CCDC178: variants seen among roughly 807,000 people sequenced by gnomAD.
CCDC178 encodes the protein coiled-coil domain-containing protein 178.
Under a neutral mutation model 117.4 loss-of-function variants are expected in CCDC178, and 126 were observed. The observed-to-expected ratio is 1.07, with a 90% CI of 0.93 to 1.24. CCDC178 has a LOEUF of 1.24. CCDC178 is among the 50% of genes most tolerant of loss of function. The pLI, the probability that CCDC178 is intolerant of heterozygous loss-of-function variation, is 0.00. For synonymous variants in CCDC178, 283 were observed against 313.4 expected, an observed-to-expected ratio of 0.90 and a Z score of 1.02; for missense variants, 1,030 against 986.9, an observed-to-expected ratio of 1.04 and a Z score of -0.59.
At chr18:33,401,463 A>G (rs1481339290) in intron 3 of CCDC178, among the ~76,000 whole-genome samples, 1 of 152,136 alleles carries the variant, frequency 6.6e-6, no homozygotes, top group Admixed American at 6.5e-5. Context: ...TTCATGCTCT[A>G]ATTCATGTTT....
intron 20 of CCDC178, among the ~76,000 whole-genome samples, chr18:33,150,969 C>T (rs1422542250): frequency 6.6e-6 from 1 of 152,056 alleles, no homozygotes; most frequent in African/African-American, 2.4e-5. Flanking sequence ...GAGTTGGAGG[C>T]CATTATTCTA....
At chr18:33,151,372 G>C (rs2058339801) in intron 20 of CCDC178, among the ~76,000 whole-genome samples, 1 of 152,112 alleles carries the variant, frequency 6.6e-6, no homozygotes. Flanking sequence ...TTTACCATCA[G>C]AGTTGTAAGT....
chr18:33,402,359 G>T (rs979200775), intron 3 of CCDC178, among the ~76,000 whole-genome samples: 5 of 152,292 alleles, frequency 3.3e-5, no homozygotes, highest in African/African-American at 1.2e-4. Flanking sequence ...AACATTTGTG[G>T]CTTCTTAACT....
chr18:33,142,995 T>A (rs950983052), intron 20 of CCDC178, among the ~76,000 whole-genome samples: 1 of 152,172 alleles, frequency 6.6e-6, no homozygotes, highest in Admixed American at 6.5e-5. Flanking sequence ...AATGAATAAG[T>A]TATTCTCCTT....
At chr18:33,257,667 T>A (rs2059697055) in intron 14 of CCDC178, among the ~76,000 whole-genome samples, 1 of 152,158 alleles carries the variant, frequency 6.6e-6, no homozygotes, top group African/African-American at 2.4e-5. Flanking sequence ...AAAAAACTTT[T>A]CATGTTCTCC....
intron 21 of CCDC178, among the ~76,000 whole-genome samples, chr18:33,077,478 A>G (rs562916179): frequency 6.6e-6 from 1 of 152,298 alleles, no homozygotes; most frequent in African/African-American, 2.4e-5. Flanking sequence ...TATCTTTATC[A>G]GTTGGCCTAG....
Position 33,245,312 on chromosome 18 carries a change from A to G in CCDC178, c.1526T>C (p.Phe509Ser). 6.2e-7 allele frequency: 1 copy of G among 1,606,626 alleles called. No individual in the cohort carries two copies. ...YKEAYRIGTL[F>S]HLTKHKTDEM... is the part of the protein sequence containing the mutation. ...ATCTGTCTTGTGTTTGGTTAGGTGGAAAAGAGTACCAATGCGATAAGCCTC... is the reference window on the plus strand; with the variant it reads ...ATCTGTCTTGTGTTTGGTTAGGTGGGAAAGAGTACCAATGCGATAAGCCTC... The change falls in exon 15 of 23, where the codon TTC becomes TCC. Residue 509 changes from phenylalanine to serine, a missense_variant. Phe to Ser is a radical substitution (Grantham distance 155). Transcript: ENST00000383096.
At chr18:33,050,323 TG>T (rs1269295263) in intron 21 of CCDC178, among the ~76,000 whole-genome samples, 1 of 152,198 alleles carries the variant, frequency 6.6e-6, no homozygotes, top group Non-Finnish European at 1.5e-5. Flanking sequence ...ATTAAATTTA[TG>T]ACAGAAACCG....
intron 11 of CCDC178, among the ~76,000 whole-genome samples, chr18:33,311,751 G>T (rs1481976174): frequency 6.6e-6 from 1 of 152,200 alleles, no homozygotes; most frequent in African/African-American, 2.4e-5. Context: ...GGACTCCTCA[G>T]TTGGCCCTCC....
chr18:33,224,683 A>G, intron 17 of CCDC178, 92 bp downstream of exon 17: 1 of 840,664 alleles, frequency 1.2e-6, no homozygotes, highest in African/African-American at 1.8e-5. Context: ...ATGTGAAATC[A>G]TAATTTCCCA....
intron 20 of CCDC178, among the ~76,000 whole-genome samples, chr18:33,155,016 T>A (rs56385137): frequency 0.019 from 2,817 of 152,224 alleles, 40 homozygotes; most frequent in Admixed American, 0.038. Flanking sequence ...AGAACAATTA[T>A]CTTAACATAA....
At chr18:32,959,625 C>A (rs1318024454) in intron 22 of CCDC178, among the ~76,000 whole-genome samples, 1 of 151,758 alleles carries the variant, frequency 6.6e-6, no homozygotes, top group African/African-American at 2.4e-5. Flanking sequence ...GTTATAACTG[C>A]ACTGTTCATT....
intron 21 of CCDC178, among the ~76,000 whole-genome samples, chr18:33,003,020 T>C (rs547290857): frequency 2.0e-5 from 3 of 152,176 alleles, no homozygotes; most frequent in Admixed American, 1.3e-4. Flanking sequence ...AATAGTGAGA[T>C]TGAAGCCATA....
At chr18:32,988,184 C>G (rs1365304521) in intron 21 of CCDC178, among the ~76,000 whole-genome samples, 1 of 151,852 alleles carries the variant, frequency 6.6e-6, no homozygotes, top group African/African-American at 2.4e-5. Context: ...GTAATCCTAG[C>G]ACTTTGGGAG....
intron 20 of CCDC178, among the ~76,000 whole-genome samples, chr18:33,174,648 G>C (rs1168566343): frequency 6.6e-6 from 1 of 152,096 alleles, no homozygotes; most frequent in East Asian, 1.9e-4. Context: ...TAAGAAGGAG[G>C]AGAGTAAATG....
chr18:33,418,434 A>G (rs916046006), intron 2 of CCDC178, among the ~76,000 whole-genome samples: 1 of 152,182 alleles, frequency 6.6e-6, no homozygotes, highest in Non-Finnish European at 1.5e-5. Flanking sequence ...CCAGAAAAAG[A>G]CAAGGATTCC....
rs187777673 is a variant in CCDC178, at chr18:33,014,969, A to C, written c.2389-40288T>G. Reference sequence around the variant, plus strand: ...AGTATAAAACATGGAAAGAAACAGGAAAGAGGCTGGGTGTGGTGGCTCACA... The same window carrying C: ...AGTATAAAACATGGAAAGAAACAGGCAAGAGGCTGGGTGTGGTGGCTCACA... On this transcript the variant is annotated intron_variant, in intron 21 of 22. Coordinates refer to ENST00000383096, the MANE Select transcript of CCDC178 (RefSeq NM_001105528.4). Among the ~76,000 whole-genome samples, 760 of 152,286 alleles carry C rather than the reference A, an allele frequency of 5.0e-3. 9 individuals carry two copies. The highest frequency in any genetic ancestry group is 0.038 in the South Asian group (182 of 4,834).
chr18:33,124,468 TAC>T lies in CCDC178; in HGVS notation c.2239-31560_2239-31559del, dbSNP rs142559199. Among the ~76,000 whole-genome samples the T allele has an allele frequency of 4.6e-3, 697 of 152,298 alleles. 5 individuals carry two copies. The highest frequency in any genetic ancestry group is 0.016 in the African/African-American group (668 of 41,588). ...CAGTGCCAATAAATAGCTGATACCA[TAC>T]AGTCTTTCCCCAAAAGCTCCTAAAT... On this transcript the variant is annotated intron_variant, in intron 20 of 22. Transcript: ENST00000383096.
chr18:33,130,865 C>G (rs2058063124), intron 20 of CCDC178, among the ~76,000 whole-genome samples: 1 of 151,836 alleles, frequency 6.6e-6, no homozygotes, highest in African/African-American at 2.4e-5. Context: ...TTTCCTCAGA[C>G]AAAAAGGAAT....
Sources: gnomAD v4.1 joint callset for allele counts (sites outside exome capture counted in the v4.1 genomes callset) on GRCh38, gnomAD v4.1.1 for gene constraint, MANE v1.5 for transcripts, NCBI Gene and HGNC (gene_info 2026-07-23, HGNC 2026-07-21) for gene names.